Variants in SRBD1 observed in about 807,000 individuals in gnomAD.
SRBD1 encodes S1 RNA-binding domain-containing protein 1.
SRBD1 carries 88 observed loss-of-function variants against 115.3 expected under a neutral mutation model. The ratio of observed to expected loss-of-function variants is 0.76; its 90% CI spans 0.64 to 0.91. SRBD1 has a LOEUF of 0.91. SRBD1 is among the 40% of genes least tolerant of loss of function. SRBD1 has a pLI of 0.00. For synonymous variants in SRBD1, 509 were observed against 407.7 expected, an observed-to-expected ratio of 1.25 and a Z score of -2.99; for missense variants, 1,385 against 1,177.4, an observed-to-expected ratio of 1.18 and a Z score of -2.58.
chr2:45,450,253 T>C (rs1458248114), intron 16 of SRBD1, among the ~76,000 whole-genome samples: 1 of 152,172 alleles, frequency 6.6e-6, no homozygotes, highest in Admixed American at 6.6e-5. Flanking sequence ...CTCTGTTAAG[T>C]ATAATGAGAA....
intron 14 of SRBD1, among the ~76,000 whole-genome samples, chr2:45,532,376 T>C (rs933602782): frequency 6.6e-6 from 1 of 151,830 alleles, no homozygotes; most frequent in Non-Finnish European, 1.5e-5. Context: ...ACCTCTTTCA[T>C]GGCACATTTA....
At chr2:45,393,238 A>C in intron 19 of SRBD1, 109 bp from the exon 20 acceptor site, 1 of 1,126,494 alleles carries the variant, frequency 8.9e-7, no homozygotes. Context: ...TAGGTCAATC[A>C]ATCAGTCTTT....
chr2:45,445,367 G>A (rs968359141), intron 16 of SRBD1, among the ~76,000 whole-genome samples: 4 of 151,746 alleles, frequency 2.6e-5, no homozygotes, highest in African/African-American at 7.3e-5. Context: ...CAAATTTGTG[G>A]CATTTACAAA....
intron 9 of SRBD1, chr2:45,568,024 A>G (rs1236301638): frequency 6.6e-6 from 1 of 152,234 alleles, no homozygotes; most frequent in East Asian, 1.9e-4. Flanking sequence ...CTGAAATTGA[A>G]AGTGAGTAGT....
intron 9 of SRBD1, among the ~76,000 whole-genome samples, chr2:45,565,364 T>A (rs1033276488): frequency 6.6e-6 from 1 of 152,152 alleles, no homozygotes; most frequent in African/African-American, 2.4e-5. Flanking sequence ...GGTACCAAGA[T>A]AATTCAATGA....
chr2:45,571,529 A>AAAAAAAAAC (rs1673014417), intron 9 of SRBD1, among the ~76,000 whole-genome samples: 2 of 148,914 alleles, frequency 1.3e-5, no homozygotes, highest in African/African-American at 4.9e-5. Flanking sequence ...AAAAAAAAAA[A>AAAAAAAAAC]AAAAAAAAAA....
At chr2:45,602,182 G>C in intron 2 of SRBD1, 99 bp from the exon 3 acceptor site, 1 of 1,362,494 alleles carries the variant, frequency 7.3e-7, no homozygotes, top group Non-Finnish European at 9.9e-7. Context: ...TAAAGTAGGA[G>C]GTGTTTAATA....
intron 9 of SRBD1, among the ~76,000 whole-genome samples, chr2:45,566,397 T>C (rs1257207572): frequency 6.6e-6 from 1 of 152,214 alleles, no homozygotes; most frequent in Non-Finnish European, 1.5e-5. Flanking sequence ...GGCATACTAA[T>C]ACATACCATA....
chr2:45,526,092 T>C (rs1671433010), intron 14 of SRBD1, among the ~76,000 whole-genome samples: 2 of 152,008 alleles, frequency 1.3e-5, no homozygotes, highest in African/African-American at 4.8e-5. Context: ...ACAATACTTC[T>C]ACTTTTAGGT....
rs145235622 is a variant in SRBD1 at position 45,608,989 on chromosome 2, A to C, written c.-1+2230T>G. Among the ~76,000 whole-genome samples, 85 of 151,932 alleles carry C rather than the reference A, an allele frequency of 5.6e-4. No individual in the cohort carries two copies. In the East Asian group the frequency reaches 0.015, roughly 26 times the overall value. On this transcript the variant is annotated intron_variant, in intron 1 of 20. Coordinates refer to ENST00000263736, the MANE Select transcript of SRBD1 (RefSeq NM_018079.5). ...CACCCAGCTAATTTTTCTATTTTTG[A>C]TAGAGACGGGGTTCGTCACGTTGGC...
chr2:45,435,146 G>A (rs983991480), intron 16 of SRBD1, among the ~76,000 whole-genome samples: 1 of 152,026 alleles, frequency 6.6e-6, no homozygotes, highest in African/African-American at 2.4e-5. Flanking sequence ...GCGTATATGT[G>A]CCACATTTTC....
At chr2:45,503,925 TAAAGAA>T (rs954429717) in intron 14 of SRBD1, among the ~76,000 whole-genome samples, 7 of 152,120 alleles carry the variant, frequency 4.6e-5, no homozygotes, top group Admixed American at 2.6e-4. Flanking sequence ...AGTTAAAAGA[TAAAGAA>T]AGTTTAAATT....
intron 9 of SRBD1, chr2:45,568,089 A>T (rs1418697411): frequency 2.0e-5 from 3 of 152,226 alleles, no homozygotes; most frequent in Admixed American, 2.0e-4. Flanking sequence ...TAGGTAGTTA[A>T]GACACAGGAA....
chr2:45,502,807 A>G (rs866055670), intron 14 of SRBD1, among the ~76,000 whole-genome samples: 1 of 151,884 alleles, frequency 6.6e-6, no homozygotes, highest in Non-Finnish European at 1.5e-5. Flanking sequence ...GTGGACATGT[A>G]CCCTAGAACT....
intron 19 of SRBD1, among the ~76,000 whole-genome samples, chr2:45,394,171 A>C (rs1667080914): frequency 6.6e-6 from 1 of 152,198 alleles, no homozygotes; most frequent in Admixed American, 6.5e-5. Flanking sequence ...ATATTTGTAA[A>C]ATAAAAACAT....
chr2:45,602,922 T>A (rs1674145047), intron 2 of SRBD1, among the ~76,000 whole-genome samples: 1 of 152,194 alleles, frequency 6.6e-6, no homozygotes, highest in African/African-American at 2.4e-5. Flanking sequence ...AAGAGAATAA[T>A]TATGATAGGT....
chr2:45,408,651 G>T (rs959223643), intron 19 of SRBD1, among the ~76,000 whole-genome samples: 2 of 152,144 alleles, frequency 1.3e-5, no homozygotes, highest in South Asian at 4.1e-4. Context: ...AAATCAGTGT[G>T]TTACTTGGTG....
At chr2:45,446,636 A>G (rs979342107) in intron 16 of SRBD1, among the ~76,000 whole-genome samples, 1 of 152,144 alleles carries the variant, frequency 6.6e-6, no homozygotes, top group Admixed American at 6.5e-5. Context: ...AGATTACAAA[A>G]GGTACAAGAA....
chr2:45,468,147 T>C (rs1175259314), intron 16 of SRBD1, among the ~76,000 whole-genome samples: 2 of 152,138 alleles, frequency 1.3e-5, no homozygotes, highest in African/African-American at 4.8e-5. Context: ...ATAAATCCTA[T>C]ATATTTCATA....
Sources: allele counts gnomAD v4.1 joint callset (sites outside exome capture counted in the v4.1 genomes callset), GRCh38; gene constraint gnomAD v4.1.1; transcripts MANE v1.5; gene names NCBI Gene and HGNC (gene_info 2026-07-23, HGNC 2026-07-21).